RABGAP1L: variants seen among roughly 807,000 people sequenced by gnomAD.
RABGAP1L encodes rab GTPase-activating protein 1-like.
RABGAP1L carries 63 observed loss-of-function variants against 137.7 expected under a neutral mutation model. The observed-to-expected ratio is 0.46, with a 90% CI of 0.37 to 0.56. The LOEUF (loss-of-function observed/expected upper bound fraction) is 0.56, where lower values mean the gene tolerates loss of function less well. Ranked by LOEUF, RABGAP1L falls within the 20% of genes least tolerant of loss-of-function variation. The pLI is 0.00. For synonymous variants in RABGAP1L, 431 were observed against 433.7 expected, an observed-to-expected ratio of 0.99 and a Z score of 0.08; for missense variants, 1,095 against 1,244.0, an observed-to-expected ratio of 0.88 and a Z score of 1.80.
chr1:174,240,803 T>A (rs1671745173), intron 4 of RABGAP1L, among the ~76,000 whole-genome samples: 1 of 152,170 alleles, frequency 6.6e-6, no homozygotes, highest in Non-Finnish European at 1.5e-5. Flanking sequence ...TGAAAAAGAC[T>A]AGATTTAGGG....
intron 13 of RABGAP1L, among the ~76,000 whole-genome samples, chr1:174,633,084 A>C (rs1251062698): frequency 6.6e-6 from 1 of 152,056 alleles, no homozygotes; most frequent in Non-Finnish European, 1.5e-5. Flanking sequence ...GAAAAGAGGA[A>C]GTCAAATTGT....
intron 13 of RABGAP1L, among the ~76,000 whole-genome samples, chr1:174,461,540 T>C (rs1656694702): frequency 6.6e-6 from 1 of 152,202 alleles, no homozygotes; most frequent in Admixed American, 6.5e-5. Context: ...CAATTATTTG[T>C]TGAGCCAAGT....
intron 7 of RABGAP1L, among the ~76,000 whole-genome samples, chr1:174,258,324 A>T (rs1402779516): frequency 6.6e-6 from 1 of 152,222 alleles, no homozygotes; most frequent in Non-Finnish European, 1.5e-5. Context: ...TCACTCTGTC[A>T]CCCAGCCTGG....
chr1:174,225,686 C>T (rs1206917454), intron 3 of RABGAP1L, among the ~76,000 whole-genome samples: 1 of 152,044 alleles, frequency 6.6e-6, no homozygotes, highest in Non-Finnish European at 1.5e-5. Flanking sequence ...CTTCAGCTCT[C>T]TCCTCTCTGA....
intron 20 of RABGAP1L, among the ~76,000 whole-genome samples, chr1:174,964,353 C>T (rs1436963662): frequency 5.3e-5 from 8 of 152,172 alleles, no homozygotes; most frequent in East Asian, 1.9e-4. Flanking sequence ...CCTCCCTCCT[C>T]GTCATTTTTT....
chr1:174,471,902 A>G (rs1046160654), intron 13 of RABGAP1L, among the ~76,000 whole-genome samples: 12 of 152,194 alleles, frequency 7.9e-5, no homozygotes, highest in African/African-American at 2.9e-4. Flanking sequence ...AGATGGGGTC[A>G]TAAGTGTGGG....
chr1:174,377,670 A>G (rs887451653), intron 12 of RABGAP1L, among the ~76,000 whole-genome samples: 2 of 152,134 alleles, frequency 1.3e-5, no homozygotes, highest in Admixed American at 6.5e-5. Flanking sequence ...CTTCATACCC[A>G]CTACGATGTC....
Position 174,290,951 on chromosome 1 carries a change from G to A in RABGAP1L, c.1323+12172G>A, listed in dbSNP as rs563552191. 1.1e-4 allele frequency among the ~76,000 whole-genome samples: 17 copies of A among 151,992 alleles called. No homozygotes were observed. The South Asian group carries it at 1.5e-3, about 13-fold the overall frequency. On this transcript the variant is annotated intron_variant, in intron 10 of 25. Transcript: ENST00000681986. ...TAAGTTTTAATTTTTTGTAGAGATGGCTCTTGCTATGTTGCCCAGGCTGGT... is the reference window on the plus strand; with the variant it reads ...TAAGTTTTAATTTTTTGTAGAGATGACTCTTGCTATGTTGCCCAGGCTGGT...
intron 1 of RABGAP1L, among the ~76,000 whole-genome samples, chr1:174,199,512 G>A (rs532891275): frequency 6.6e-6 from 1 of 152,166 alleles, no homozygotes; most frequent in Admixed American, 6.5e-5. Context: ...GGCTGGTCTC[G>A]AACTCCTGAC....
chr1:174,639,036 T>TAA (rs541148505), intron 14 of RABGAP1L, among the ~76,000 whole-genome samples: 6 of 130,480 alleles, frequency 4.6e-5, no homozygotes, highest in East Asian at 2.2e-4. Flanking sequence ...TAAAGTGTAA[T>TAA]AAAAAAAAAA....
chr1:174,614,574 A>C (rs190753475), intron 13 of RABGAP1L, among the ~76,000 whole-genome samples: 1 of 152,024 alleles, frequency 6.6e-6, no homozygotes, highest in African/African-American at 2.4e-5. Context: ...GCTCTTCTTG[A>C]GGAGTATCTT....
intron 13 of RABGAP1L, among the ~76,000 whole-genome samples, chr1:174,519,205 CAT>C (rs1455614435): frequency 1.4e-5 from 2 of 147,834 alleles, no homozygotes; most frequent in African/African-American, 2.5e-5. Flanking sequence ...TATACACACA[CAT>C]ACATATATAT....
intron 13 of RABGAP1L, among the ~76,000 whole-genome samples, chr1:174,596,342 C>G (rs182201071): frequency 6.6e-6 from 1 of 151,946 alleles, no homozygotes; most frequent in Non-Finnish European, 1.5e-5. Context: ...AGCTGTAGAC[C>G]GGAGCTGTTC....
rs1236653813 is a variant in RABGAP1L, at chr1:174,741,793, A to AT, written c.2170-10510dup. 7.4e-3 allele frequency among the ~76,000 whole-genome samples: 703 copies of AT among 94,880 alleles called. 9 individuals are homozygous for AT. Among genetic ancestry groups the AT allele is most frequent in the African/African-American group, 0.027 (636 of 23,164 alleles). The allele number at this position is 94,880 out of a possible 152,430, so 62.2% of individuals were successfully genotyped here. A position where few individuals can be genotyped will look rare whatever the true frequency, so the allele number is the denominator to read the frequency against. ...ATACCATGTTGTGGCATTTTTAAGG[A>AT]TTTTTTTTTTAAGTGGGGAGTTTGA... is the stretch of plus-strand genomic sequence containing the variant. On this transcript the variant is annotated intron_variant, in intron 17 of 25. Coordinates refer to ENST00000681986, the MANE Select transcript of RABGAP1L (RefSeq NM_001366446.1).
chr1:174,372,049 T>C (rs959304480), intron 12 of RABGAP1L, among the ~76,000 whole-genome samples: 2 of 152,160 alleles, frequency 1.3e-5, no homozygotes, highest in Non-Finnish European at 2.9e-5. Context: ...AAACCCTGAA[T>C]GGCCAGCTGC....
chr1:174,780,114 A>C (rs1423863373), intron 18 of RABGAP1L, among the ~76,000 whole-genome samples: 3 of 149,220 alleles, frequency 2.0e-5, no homozygotes, highest in Admixed American at 1.4e-4. Context: ...AAATAAATAA[A>C]TAAATTAAAT....
At chr1:174,972,315 A>G (rs1670206487) in intron 21 of RABGAP1L, among the ~76,000 whole-genome samples, 1 of 152,190 alleles carries the variant, frequency 6.6e-6, no homozygotes, top group African/African-American at 2.4e-5. Flanking sequence ...AAGTTGAACA[A>G]CTGGCCTGGT....
chr1:174,390,365 A>G (rs1229814301), intron 12 of RABGAP1L, among the ~76,000 whole-genome samples: 1 of 152,204 alleles, frequency 6.6e-6, no homozygotes, highest in East Asian at 1.9e-4. Flanking sequence ...AGATTATATT[A>G]TGGTAAAGTA....
intron 19 of RABGAP1L, among the ~76,000 whole-genome samples, chr1:174,836,615 G>A (rs1692783193): frequency 6.6e-6 from 1 of 152,218 alleles, no homozygotes; most frequent in Non-Finnish European, 1.5e-5. Context: ...AGTATGCAAA[G>A]TGTGACATAT....
Sources: allele counts gnomAD v4.1 joint callset (sites outside exome capture counted in the v4.1 genomes callset), GRCh38; gene constraint gnomAD v4.1.1; transcripts MANE v1.5; gene names NCBI Gene and HGNC (gene_info 2026-07-23, HGNC 2026-07-21).